Variants in BBS9 observed in about 807,000 individuals in gnomAD.
The protein encoded by BBS9 is Bardet-Biedl syndrome 9.
Under a neutral mutation model 117.7 loss-of-function variants are expected in BBS9, and 89 were observed. That is an observed-to-expected ratio of 0.76 (90% CI 0.64 to 0.90). The LOEUF is 0.90. Ranked by LOEUF, BBS9 falls within the 40% of genes least tolerant of loss-of-function variation. BBS9 has a pLI of 0.00. For missense variants in BBS9, 982 were observed against 1,042.2 expected (o/e 0.94, Z 0.80); for synonymous variants, 379 against 370.9 (o/e 1.02, Z -0.25).
chr7:33,615,837 T>C (rs1865103351), intron 21 of BBS9, among the ~76,000 whole-genome samples: 2 of 151,984 alleles, frequency 1.3e-5, no homozygotes, highest in African/African-American at 4.8e-5. Flanking sequence ...AAACCCTGCC[T>C]ATTAAGGAGA....
chr7:33,177,545 G>C lies in BBS9; in HGVS notation c.396G>C (p.Gln132His), dbSNP rs10255104. ...QMKLMYEHNLQRTACNMTYGS... is the reference protein window; with the variant it reads ...QMKLMYEHNLHRTACNMTYGS... ...AATTGATGTATGAACATAATCTTCA[G>C]AGAACAGCCTGCAATATGACCTATG... The change falls in exon 5 of 23, where the codon CAG (glutamine) becomes CAC (histidine). Residue 132 changes from glutamine to histidine, a missense_variant. Physicochemically the swap from Gln to His is conservative, Grantham distance 24 (BLOSUM62 0). Coordinates refer to ENST00000242067, the MANE Select transcript of BBS9 (RefSeq NM_198428.3). 4.4e-5 allele frequency: 71 copies of C among 1,613,374 alleles called. No individual in the cohort carries two copies. In the Admixed American group the frequency reaches 8.8e-4, roughly 20 times the overall value.
At chr7:33,464,728 C>T (rs952089077) in intron 19 of BBS9, among the ~76,000 whole-genome samples, 2 of 151,812 alleles carry the variant, frequency 1.3e-5, no homozygotes, top group Non-Finnish European at 1.5e-5. Context: ...GCACATTTAT[C>T]AGTTAATTTT....
intron 19 of BBS9, among the ~76,000 whole-genome samples, chr7:33,409,716 G>A (rs562491768): frequency 6.6e-6 from 1 of 152,298 alleles, no homozygotes; most frequent in East Asian, 1.9e-4. Flanking sequence ...TAGTAGGTGT[G>A]TAGTGGTAGC....
intron 20 of BBS9, among the ~76,000 whole-genome samples, chr7:33,507,755 A>C (rs1370798658): frequency 6.6e-6 from 1 of 152,236 alleles, no homozygotes; most frequent in African/African-American, 2.4e-5. Flanking sequence ...CTGGAGCATG[A>C]GGAAGCGGGT....
intron 19 of BBS9, among the ~76,000 whole-genome samples, chr7:33,438,018 T>G (rs1835576256): frequency 6.6e-6 from 1 of 152,230 alleles, no homozygotes; most frequent in Admixed American, 6.5e-5. Flanking sequence ...TTCGTAATTC[T>G]AACTCACTGT....
At chr7:33,279,179 C>T (rs1186666435) in intron 9 of BBS9, among the ~76,000 whole-genome samples, 1 of 152,026 alleles carries the variant, frequency 6.6e-6, no homozygotes, top group Non-Finnish European at 1.5e-5. Context: ...TAGGCATATG[C>T]CTCCTCCTGT....
chr7:33,540,828 C>G (rs1218183863), intron 21 of BBS9, among the ~76,000 whole-genome samples: 1 of 152,138 alleles, frequency 6.6e-6, no homozygotes, highest in East Asian at 1.9e-4. Flanking sequence ...GATTCTCTCC[C>G]CTCCCATCTC....
intron 19 of BBS9, among the ~76,000 whole-genome samples, chr7:33,502,333 A>T (rs1845572353): frequency 6.6e-6 from 1 of 152,182 alleles, no homozygotes; most frequent in Non-Finnish European, 1.5e-5. Flanking sequence ...ATTTTCATGT[A>T]GTAAATACTT....
chr7:33,602,352 A>G (rs1455788281), intron 21 of BBS9, among the ~76,000 whole-genome samples: 5 of 152,268 alleles, frequency 3.3e-5, no homozygotes, highest in Middle Eastern at 3.4e-3. Flanking sequence ...GCCAGAGCCC[A>G]CCAACATTGT....
intron 17 of BBS9, among the ~76,000 whole-genome samples, chr7:33,369,030 A>G (rs1325732215): frequency 6.6e-6 from 1 of 152,146 alleles, no homozygotes; most frequent in Non-Finnish European, 1.5e-5. Flanking sequence ...TTAAAAAACA[A>G]ATCATTTTAT....
intron 21 of BBS9, among the ~76,000 whole-genome samples, chr7:33,560,251 T>C (rs911240597): frequency 3.3e-5 from 5 of 152,170 alleles, no homozygotes; most frequent in Non-Finnish European, 7.3e-5. Context: ...TGAAATTGTG[T>C]AGAACAACTG....
At chr7:33,482,009 T>C (rs1280999796) in intron 19 of BBS9, among the ~76,000 whole-genome samples, 1 of 152,226 alleles carries the variant, frequency 6.6e-6, no homozygotes, top group African/African-American at 2.4e-5. Context: ...TAAACACATA[T>C]AGCAGCAACT....
chr7:33,546,222 T>C (rs747401913), intron 21 of BBS9, among the ~76,000 whole-genome samples: 4 of 152,266 alleles, frequency 2.6e-5, no homozygotes, highest in South Asian at 2.1e-4. Flanking sequence ...GGTGAGCCAC[T>C]GCGCCCGGCC....
At chr7:33,179,705 A>G (rs989093484) in intron 5 of BBS9, among the ~76,000 whole-genome samples, 2 of 152,174 alleles carry the variant, frequency 1.3e-5, no homozygotes, top group Non-Finnish European at 2.9e-5. Flanking sequence ...TGCACAATAA[A>G]TGTAATGTGC....
chr7:33,503,277 C>T (rs1475631867), intron 19 of BBS9, among the ~76,000 whole-genome samples: 1 of 152,120 alleles, frequency 6.6e-6, no homozygotes, highest in Non-Finnish European at 1.5e-5. Flanking sequence ...GCACACCCTG[C>T]GTACAGTCCT....
intron 21 of BBS9, among the ~76,000 whole-genome samples, chr7:33,613,083 A>G (rs1227425484): frequency 1.3e-5 from 2 of 152,098 alleles, no homozygotes; most frequent in Non-Finnish European, 2.9e-5. Context: ...GTGGGGGAAC[A>G]GAGAAGAAAA....
At chr7:33,445,663 C>T (rs564922184) in intron 19 of BBS9, among the ~76,000 whole-genome samples, 12 of 152,100 alleles carry the variant, frequency 7.9e-5, no homozygotes, top group South Asian at 4.1e-4. Context: ...GCTGTGTCTC[C>T]GCCCAAATCT....
intron 21 of BBS9, among the ~76,000 whole-genome samples, chr7:33,623,986 A>T (rs934083491): frequency 7.4e-5 from 5 of 67,970 alleles, no homozygotes; most frequent in African/African-American, 2.0e-4. Flanking sequence ...TTCTATTATT[A>T]AAAAAAAAAA....
intron 19 of BBS9, among the ~76,000 whole-genome samples, chr7:33,495,670 A>G (rs1320518822): frequency 1.3e-5 from 2 of 152,332 alleles, no homozygotes; most frequent in African/African-American, 4.8e-5. Context: ...GGCTATAGGA[A>G]GATAATTTTA....
Sources: gnomAD v4.1 joint callset for allele counts (sites outside exome capture counted in the v4.1 genomes callset) on GRCh38, gnomAD v4.1.1 for gene constraint, MANE v1.5 for transcripts, NCBI Gene and HGNC (gene_info 2026-07-23, HGNC 2026-07-21) for gene names.